The following SCOC variants were observed in gnomAD, a reference collection of about 807,000 sequenced individuals.
SCOC encodes the protein short coiled-coil protein, also known as short coiled coil protein.
In SCOC, 7 loss-of-function variants were observed where a neutral mutation model predicts 9.9. The observed-to-expected ratio is 0.71, with a 90% CI of 0.40 to 1.33. SCOC has a LOEUF of 1.33. SCOC is among the 40% of genes most tolerant of loss of function. The pLI, the probability that SCOC is intolerant of heterozygous loss-of-function variation, is 0.01. For missense variants in SCOC, 66 were observed against 89.7 expected, an observed-to-expected ratio of 0.74 and a Z score of 1.07; for synonymous variants, 19 against 28.2, an observed-to-expected ratio of 0.67 and a Z score of 1.03.
intron 1 of SCOC, among the ~76,000 whole-genome samples, chr4:140,274,639 C>T (rs533802624): frequency 1.3e-5 from 2 of 152,328 alleles, no homozygotes; most frequent in South Asian, 4.1e-4. Flanking sequence ...TATTCCCTTC[C>T]ATGCATGATA....
chr4:140,355,325 A>G (rs1727180436), intron 2 of SCOC, among the ~76,000 whole-genome samples: 1 of 151,090 alleles, frequency 6.6e-6, no homozygotes, highest in South Asian at 2.1e-4. Flanking sequence ...GATAATAAGC[A>G]TTCATTAAAA....
intron 1 of SCOC, among the ~76,000 whole-genome samples, chr4:140,288,433 A>T (rs1259810445): frequency 1.3e-5 from 2 of 148,298 alleles, no homozygotes; most frequent in East Asian, 3.9e-4. Context: ...ACAGGTACAC[A>T]TCACACATGT....
At chr4:140,304,414 C>CA (rs774629632) in intron 1 of SCOC, among the ~76,000 whole-genome samples, 4 of 151,650 alleles carry the variant, frequency 2.6e-5, no homozygotes, top group East Asian at 1.9e-4. Context: ...TCCTGCAGGC[C>CA]AAAAAACAAA....
At position 140,385,289 on chromosome 4, in the gene SCOC, A is replaced by G. The variant is rs982253144; in HGVS notation, c.*4185A>G. On this transcript the variant is annotated 3_prime_UTR_variant, in exon 4 of 4. Transcript: ENST00000608372. ...TATAAAATATTATGACTCAGACACC[A>G]ATATGGTTTGGGGCAACACCTATAA... 1.3e-5 allele frequency: 2 copies of G among 152,190 alleles called. No individual in the cohort carries two copies. Among genetic ancestry groups the G allele is most frequent in the African/African-American group, 4.8e-5 (2 of 41,436 alleles). 9.4% of individuals were successfully genotyped at this position (152,190 alleles called of 1,614,324 possible). A position where few individuals can be genotyped will look rare whatever the true frequency, so the allele number is the denominator to read the frequency against.
At chr4:140,338,981 C>A (rs1338113968), upstream of SCOC, among the ~76,000 whole-genome samples, 1 of 152,194 alleles carries the variant, frequency 6.6e-6, no homozygotes, top group Non-Finnish European at 1.5e-5. Flanking sequence ...AAAAAGAGCA[C>A]ACATTGCCAA....
chr4:140,352,314 C>T (rs1727016575), intron 2 of SCOC, among the ~76,000 whole-genome samples: 1 of 152,184 alleles, frequency 6.6e-6, no homozygotes, highest in Non-Finnish European at 1.5e-5. Flanking sequence ...TTCAGCAAAT[C>T]TTAATTGGCA....
intron 1 of SCOC, among the ~76,000 whole-genome samples, chr4:140,323,993 C>T (rs1244221130): frequency 1.3e-5 from 2 of 152,028 alleles, no homozygotes; most frequent in Admixed American, 6.6e-5. Flanking sequence ...GCAAATCAAA[C>T]ATTGCAATAT....
At chr4:140,366,112 T>A (rs1727781157) in intron 2 of SCOC, 1 of 389,784 alleles carries the variant, frequency 2.6e-6, no homozygotes, top group African/African-American at 2.1e-5. Context: ...TAATGCAATT[T>A]TAAAAATCCA....
rs1319943113 is a variant in SCOC, at chr4:140,291,380, T to C, written c.-19+33970T>C. 8.8e-6 allele frequency: 4 copies of C among 456,804 alleles called. No individual in the cohort carries two copies. In the Admixed American group the frequency reaches 9.4e-5, roughly 11 times the overall value. 28.3% of individuals were successfully genotyped at this position (456,804 alleles called of 1,614,324 possible). ...GTGGTGGCAGCCGCCTGGCTCTTCA[T>C]ATACCTTACCTTCTGCAGGGCATGT... On this transcript the variant is annotated intron_variant, in intron 1 of 4. Transcript: ENST00000394205.
At chr4:140,302,217 GC>G (rs1731832895) in intron 1 of SCOC, among the ~76,000 whole-genome samples, 1 of 152,110 alleles carries the variant, frequency 6.6e-6, no homozygotes, top group African/African-American at 2.4e-5. Flanking sequence ...ATTTGAGTCA[GC>G]TTTTTTTTTC....
intron 1 of SCOC, among the ~76,000 whole-genome samples, chr4:140,307,944 G>T (rs1011984127): frequency 2.0e-5 from 3 of 152,168 alleles, no homozygotes; most frequent in Admixed American, 2.0e-4. Context: ...CACTTAATGT[G>T]ATTGATCAAC....
intron 1 of SCOC, among the ~76,000 whole-genome samples, chr4:140,338,337 A>G (rs1452678200): frequency 6.6e-6 from 1 of 152,220 alleles, no homozygotes; most frequent in Admixed American, 6.5e-5. Flanking sequence ...CCCACAACCA[A>G]TATCATACTG....
intron 1 of SCOC, among the ~76,000 whole-genome samples, chr4:140,298,163 A>C (rs1731706545): frequency 6.6e-6 from 1 of 152,142 alleles, no homozygotes; most frequent in African/African-American, 2.4e-5. Context: ...CCACCTTGCC[A>C]TCTGGTCTTC....
intron 2 of SCOC, among the ~76,000 whole-genome samples, chr4:140,346,021 A>AT (rs1726723117): frequency 6.6e-6 from 1 of 152,130 alleles, no homozygotes; most frequent in South Asian, 2.1e-4. Context: ...TGTAGCTCAT[A>AT]TTTTTTTAGT....
chr4:140,318,415 C>T (rs545894941), intron 1 of SCOC, among the ~76,000 whole-genome samples: 66 of 107,470 alleles, frequency 6.1e-4, no homozygotes, highest in African/African-American at 2.6e-3. Flanking sequence ...AAAAAGTGGG[C>T]GAGGGACATG....
At chr4:140,335,905 T>G (rs1047864252) in intron 1 of SCOC, among the ~76,000 whole-genome samples, 1 of 152,170 alleles carries the variant, frequency 6.6e-6, no homozygotes, top group Non-Finnish European at 1.5e-5. Context: ...TATATCTCAC[T>G]GCCCACTTAA....
intron 1 of SCOC, among the ~76,000 whole-genome samples, chr4:140,317,159 CTT>C (rs1732345966): frequency 6.6e-6 from 1 of 152,102 alleles, no homozygotes; most frequent in African/African-American, 2.4e-5. Context: ...TGTAAGATGG[CTT>C]AGGGGTGTTG....
At chr4:140,261,105 C>A (rs1015636352) in intron 1 of SCOC, among the ~76,000 whole-genome samples, 8 of 152,180 alleles carry the variant, frequency 5.3e-5, no homozygotes, top group African/African-American at 1.9e-4. Flanking sequence ...TTAGGAAGCT[C>A]ATAGTTTAGT....
chr4:140,313,368 C>T (rs1432459766), intron 1 of SCOC, among the ~76,000 whole-genome samples: 1 of 152,200 alleles, frequency 6.6e-6, no homozygotes, highest in Non-Finnish European at 1.5e-5. Flanking sequence ...TCTCCTGTCT[C>T]AGCCTCCTGA....
Sources: allele counts gnomAD v4.1 joint callset (sites outside exome capture counted in the v4.1 genomes callset), GRCh38; gene constraint gnomAD v4.1.1; transcripts MANE v1.5; gene names NCBI Gene and HGNC (gene_info 2026-07-23, HGNC 2026-07-21).